The following ST7 variants were observed in gnomAD, a reference collection of about 807,000 sequenced individuals.
ST7 encodes suppression of tumorigenicity 7.
Under a neutral mutation model 78.7 loss-of-function variants are expected in ST7, and 28 were observed. The ratio of observed to expected loss-of-function variants is 0.36; its 90% CI spans 0.26 to 0.49. ST7 has a LOEUF of 0.49. Among genes scored for constraint, ST7 ranks in the 20% least tolerant of loss-of-function variants. The pLI, the probability that ST7 is intolerant of heterozygous loss-of-function variation, is 0.99. For synonymous variants in ST7, 247 were observed against 249.6 expected, an observed-to-expected ratio of 0.99 and a Z score of 0.10; for missense variants, 418 against 696.0, an observed-to-expected ratio of 0.60 and a Z score of 4.49.
At chr7:117,184,640 A>C (rs1017766580) in intron 10 of ST7, among the ~76,000 whole-genome samples, 3 of 152,178 alleles carry the variant, frequency 2.0e-5, no homozygotes, top group Non-Finnish European at 4.4e-5. Context: ...GGGAGGGTAC[A>C]AATATAAAGG....
intron 1 of ST7, among the ~76,000 whole-genome samples, chr7:117,029,170 C>A (rs1796348465): frequency 6.6e-6 from 1 of 152,098 alleles, no homozygotes; most frequent in Non-Finnish European, 1.5e-5. Flanking sequence ...GAGAAACTGC[C>A]AAACCATTTT....
chr7:116,985,563 A>G (rs1418315001), intron 1 of ST7, among the ~76,000 whole-genome samples: 1 of 152,236 alleles, frequency 6.6e-6, no homozygotes, highest in Non-Finnish European at 1.5e-5. Flanking sequence ...AAATTCAACA[A>G]GCAAATTCAA....
At chr7:117,069,956 G>C (rs556486653) in intron 1 of ST7, among the ~76,000 whole-genome samples, 6 of 152,306 alleles carry the variant, frequency 3.9e-5, no homozygotes, top group Non-Finnish European at 7.3e-5. Context: ...CAATATATCC[G>C]TGATTACTTT....
intron 1 of ST7, among the ~76,000 whole-genome samples, chr7:117,031,316 A>G (rs1796464169): frequency 6.6e-6 from 1 of 151,842 alleles, no homozygotes; most frequent in African/African-American, 2.4e-5. Context: ...GTTTACCTAT[A>G]TAACAAAACT....
chr7:117,209,977 G>A lies in ST7; in HGVS notation c.1405+40G>A, dbSNP rs1792150715. 11 of 1,597,940 alleles carry A rather than the reference G, an allele frequency of 6.9e-6. No homozygotes were observed. In the East Asian group the frequency reaches 2.5e-4, roughly 36 times the overall value. On this transcript the variant is annotated intron_variant, in intron 13 of 15. Transcript: ENST00000323984. ...TTTTTTGAAACATTTTTAAGAGCAT[G>A]AAAAGGTGCTAAAATGTTTTTGCAC... is the stretch of plus-strand genomic sequence containing the variant.
intron 9 of ST7, among the ~76,000 whole-genome samples, chr7:117,161,866 C>T (rs1023901159): frequency 1.3e-5 from 2 of 152,120 alleles, no homozygotes; most frequent in African/African-American, 4.8e-5. Context: ...TCCCAAAGTG[C>T]TGGGATTACA....
At position 117,219,056 on chromosome 7, in the gene ST7, T is replaced by C; in HGVS notation, c.1406-28T>C. The C allele has an allele frequency of 6.3e-7, 1 of 1,579,280 alleles. No individual in the cohort carries two copies. Among genetic ancestry groups the C allele is most frequent in the Non-Finnish European group, 8.6e-7 (1 of 1,156,126 alleles). On this transcript the variant is annotated intron_variant, in intron 13 of 15. Coordinates refer to ENST00000323984, the MANE Select transcript of ST7 (RefSeq NM_001369598.1). This position sits in a 1 kb window ranked among gnomAD's most constrained non-coding sequence, Gnocchi z 5.1. ...GAAGTTATGACACAAACATTGGACA[T>C]CTCTGACATATTTTTTCTCGTTTTC...
chr7:117,026,494 A>G (rs1796188646), intron 1 of ST7, among the ~76,000 whole-genome samples: 1 of 152,208 alleles, frequency 6.6e-6, no homozygotes, highest in South Asian at 2.1e-4. Flanking sequence ...AAATAATAAG[A>G]TTTTCAATAT....
chr7:117,184,340 AC>A (rs1414347286), intron 10 of ST7: 1 of 152,272 alleles, frequency 6.6e-6, no homozygotes, highest in Non-Finnish European at 1.5e-5. Context: ...AATGCCACTT[AC>A]AAAAGTCAGA....
In ST7 at chr7:117,048,908, C is replaced by T. The variant is rs562271664; in HGVS notation, c.152-50854C>T. On this transcript the variant is annotated intron_variant, in intron 1 of 15. Transcript: ENST00000323984. ...CTTTATGATTCCATGATCTAGAGGCCGAATTAGAGACACTGTGTTTGGAAG... is the reference window on the plus strand; with the variant it reads ...CTTTATGATTCCATGATCTAGAGGCTGAATTAGAGACACTGTGTTTGGAAG... 5.3e-5 allele frequency among the ~76,000 whole-genome samples: 8 copies of T among 152,032 alleles called. No individual in the cohort carries two copies. The East Asian group carries it at 1.2e-3, about 22-fold the overall frequency.
chr7:116,972,272 C>T (rs1287182150), intron 1 of ST7: 2 of 557,366 alleles, frequency 3.6e-6, no homozygotes, highest in Non-Finnish European at 6.8e-6. Context: ...ATTGTATTTT[C>T]CAGCTTGGCT....
intron 2 of ST7, among the ~76,000 whole-genome samples, chr7:117,104,799 A>C (rs1801829332): frequency 6.6e-6 from 1 of 152,232 alleles, no homozygotes; most frequent in African/African-American, 2.4e-5. Flanking sequence ...TTCATCCTTG[A>C]AAGGTTGACA....
At chr7:117,097,844 G>GACATATCACTATATATATA (rs1391776382) in intron 1 of ST7, among the ~76,000 whole-genome samples, 1 of 67,762 alleles carries the variant, frequency 1.5e-5, no homozygotes, top group African/African-American at 5.6e-5. Context: ...ATATATATAT[G>GACATATCACTATATATATA]TATGACATAT....
intron 1 of ST7, among the ~76,000 whole-genome samples, chr7:117,003,684 C>T (rs1225204985): frequency 1.3e-5 from 2 of 152,158 alleles, no homozygotes; most frequent in East Asian, 3.9e-4. Context: ...CCTCCTGCCT[C>T]AGCCTCCCAA....
chr7:117,204,491 G>A (rs1395292126), intron 12 of ST7, among the ~76,000 whole-genome samples: 6 of 152,158 alleles, frequency 3.9e-5, no homozygotes, highest in African/African-American at 1.2e-4. Flanking sequence ...TAGATGAGAG[G>A]AGGTAAGGCA....
intron 15 of ST7, chr7:117,222,719 T>C (rs1793178114): frequency 1.4e-6 from 1 of 693,704 alleles, no homozygotes; most frequent in Non-Finnish European, 2.6e-6. Flanking sequence ...AGTTTACTGA[T>C]CTTGCCACAG....
intron 9 of ST7, chr7:117,145,393 C>T (rs906191751): frequency 3.9e-5 from 6 of 152,174 alleles, no homozygotes; most frequent in African/African-American, 1.4e-4. Context: ...TTTATTCTCT[C>T]ACAATTCTGG....
At chr7:117,031,362 G>A (rs200766424) in intron 1 of ST7, among the ~76,000 whole-genome samples, 1 of 2,042 alleles carries the variant, frequency 4.9e-4, no homozygotes, top group Non-Finnish European at 2.5e-3. Context: ...AAATGTGTGT[G>A]TGTGTGTATA....
At chr7:117,113,589 G>A (rs936807384) in intron 2 of ST7, among the ~76,000 whole-genome samples, 5 of 152,124 alleles carry the variant, frequency 3.3e-5, no homozygotes, top group East Asian at 1.9e-4. Flanking sequence ...TTGTGTGATC[G>A]TTTATTGTCT....
Sources: gnomAD v4.1 joint callset for allele counts (sites outside exome capture counted in the v4.1 genomes callset) on GRCh38, gnomAD v4.1.1 for gene constraint, Gnocchi (gnomAD v3.1) non-coding constraint, MANE v1.5 for transcripts, NCBI Gene and HGNC (gene_info 2026-07-23, HGNC 2026-07-21) for gene names.